Variants in ITGB4 observed in about 807,000 individuals in gnomAD.
The protein encoded by ITGB4 is integrin beta-4.
In ITGB4, 159 loss-of-function variants were observed where a neutral mutation model predicts 207.6. The ratio of observed to expected loss-of-function variants is 0.77; its 90% CI spans 0.67 to 0.87. The LOEUF is 0.87. ITGB4 is among the 40% of genes least tolerant of loss of function. The probability of loss-of-function intolerance (pLI) is 0.00; values close to 1 mark genes in which losing one functional copy is unlikely to be tolerated. For missense variants in ITGB4, 2,278 were observed against 2,546.8 expected (o/e 0.89, Z 2.27); for synonymous variants, 1,020 against 1,062.7 (o/e 0.96, Z 0.78).
intron 26 of ITGB4, 96 bp from the exon 27 acceptor site, chr17:75,748,745 C>T (rs888661092): frequency 7.9e-6 from 7 of 881,658 alleles, no homozygotes; most frequent in Non-Finnish European, 1.3e-5. Flanking sequence ...CAGGGATGGT[C>T]TCTGCAGTGT....
Position 75,729,488 on chromosome 17 carries a change from G to C in ITGB4, c.738+52G>C. 4 of 1,588,474 alleles carry C rather than the reference G, an allele frequency of 2.5e-6. No individual in the cohort carries two copies. The South Asian group carries it at 4.5e-5, about 18-fold the overall frequency. On this transcript the variant is annotated intron_variant, in intron 7 of 39. Transcript: ENST00000200181. This position sits in a 1 kb window ranked among gnomAD's most constrained non-coding sequence, Gnocchi z 4.4. ...CCTAGGCCAGGGGTGAGCACTTCTGGGCAAGGGCCTGAGCTGCCCCCTGGC... is the reference window on the plus strand; with the variant it reads ...CCTAGGCCAGGGGTGAGCACTTCTGCGCAAGGGCCTGAGCTGCCCCCTGGC...
intron 26 of ITGB4, among the ~76,000 whole-genome samples, chr17:75,748,542 T>C (rs1179843565): frequency 1.3e-5 from 2 of 151,054 alleles, no homozygotes; most frequent in Non-Finnish European, 3.0e-5. Flanking sequence ...TGGTGGCAGG[T>C]GCCTGTAATC....
rs778509471 is a variant in ITGB4 at position 75,756,584 on chromosome 17, G to A, written c.4864G>A (p.Val1622Met). Residue 1622 changes from valine to methionine, a missense_variant, in exon 36 of 40, where the codon GTG becomes ATG. Coordinates refer to ENST00000200181, the MANE Select transcript of ITGB4 (RefSeq NM_000213.5). ...GGGTGTCATCACCATTGAATCCCAG[G>A]TGCACCCGCAGAGCCCACTGTGTCC... ...REGVITIESQ[V>M]HPQSPLCPLP... The A allele has an allele frequency of 1.2e-5, 19 of 1,612,982 alleles. No individual in the cohort carries two copies. The South Asian group carries it at 1.6e-4, about 14-fold the overall frequency.
chr17:75,737,478 G>A (rs766283027), intron 17 of ITGB4, 34 bp downstream of exon 17: 18 of 1,553,428 alleles, frequency 1.2e-5, no homozygotes, highest in Admixed American at 5.9e-5. Flanking sequence ...GGGAGGGGGC[G>A]TGTGGCCAGA....
In ITGB4 at chr17:75,753,904, C is replaced by T; in HGVS notation, c.4248C>T (p.Pro1416=). The change falls in exon 33 of 40, where the codon CCC becomes CCT. Residue 1416 remains proline, a synonymous_variant. Transcript: ENST00000200181. ...CCGACGCCGAGGCGCCCCACGGGCC[C>T]CCGGACGACGGCGGCGCGGGCGGGA... is the stretch of plus-strand genomic sequence containing the variant. The part of the protein sequence containing the change: ...RSSDAEAPHG[P]PDDGGAGGKG... The T allele has an allele frequency of 7.7e-7, 1 of 1,293,782 alleles. No individual in the cohort carries two copies. The highest frequency in any genetic ancestry group is 9.7e-7 in the Non-Finnish European group (1 of 1,027,104). The allele number at this position is 1,293,782 out of a possible 1,614,324, so 80.1% of individuals were successfully genotyped here. A position where few individuals can be genotyped will look rare whatever the true frequency, so the allele number is the denominator to read the frequency against.
At chr17:75,749,145 C>T (rs1026022723) in intron 27 of ITGB4, 100 bp downstream of exon 27, 7 of 939,480 alleles carry the variant, frequency 7.5e-6, no homozygotes, top group East Asian at 5.1e-5. Flanking sequence ...ACACAGGACG[C>T]CCAGGTAAAT....
Position 75,753,655 on chromosome 17 carries a change from CG to C in ITGB4, c.4109-107del, listed in dbSNP as rs1049958634. 5.9e-5 allele frequency: 41 copies of C among 690,262 alleles called. No homozygotes were observed. The African/African-American group carries it at 6.5e-4, about 11-fold the overall frequency. The allele number at this position is 690,262 out of a possible 1,614,324, so 42.8% of individuals were successfully genotyped here. On this transcript the variant is annotated intron_variant, in intron 32 of 39. Coordinates refer to ENST00000200181, the MANE Select transcript of ITGB4 (RefSeq NM_000213.5). ...GCCCCCAACACACACCCCGGGATCCCGGGAGCTGGAGACGGGCTCCCCTCGC... is the reference window on the plus strand; with the variant it reads ...GCCCCCAACACACACCCCGGGATCCCGGAGCTGGAGACGGGCTCCCCTCGC...
In ITGB4 at chr17:75,733,683, C is replaced by T. The variant is rs1218480336; in HGVS notation, c.1648C>T (p.Leu550Phe). ...NFQCPRTSGF[L>F]CNDRGRCSMG... ...CCAGTGTCCCCGCACTTCCGGGTTC[C>T]TCTGCAATGGTGAGCACAACAACTG... The change falls in exon 13 of 40, where the codon CTC becomes TTC. Residue 550 changes from leucine (L) to phenylalanine (F), a missense_variant. Physicochemically the swap from Leu to Phe is conservative, Grantham distance 22. Coordinates refer to ENST00000200181, the MANE Select transcript of ITGB4 (RefSeq NM_000213.5). 1 of 1,613,904 alleles carries T rather than the reference C, an allele frequency of 6.2e-7. No individual in the cohort carries two copies. The highest frequency in any genetic ancestry group is 8.5e-7 in the Non-Finnish European group (1 of 1,180,022).
chr17:75,749,946 C>T (rs369559429), intron 27 of ITGB4, among the ~76,000 whole-genome samples, 165 bp from the exon 28 acceptor site: 1 of 152,234 alleles, frequency 6.6e-6, no homozygotes, highest in South Asian at 2.1e-4. Context: ...GCAGGATGCT[C>T]TATGTGGCAG....
In ITGB4 at chr17:75,750,792, T is replaced by C. The variant is rs528851912; in HGVS notation, c.3587T>C (p.Val1196Ala). The C allele has an allele frequency of 6.2e-7, 1 of 1,613,492 alleles. No homozygotes were observed. Among genetic ancestry groups the C allele is most frequent in the Admixed American group, 1.7e-5 (1 of 60,020 alleles). Residue 1196 changes from valine (V) to alanine (A), a missense_variant, in exon 29 of 40, where the codon GTG (valine) becomes GCG (alanine). By Grantham distance (64) the Val-to-Ala change is moderately conservative (BLOSUM62 0). Transcript: ENST00000200181. The surrounding 1 kb of genome is among the most constrained non-coding windows in gnomAD (Gnocchi z 5.5). ...LYPYCDYEMK[V>A]CAYGAQGEGP... Reference sequence around the variant, plus strand: ...CCGTATTGCGACTATGAGATGAAGGTGTGCGCCTACGGGGCTCAGGGCGAG... The same window carrying C: ...CCGTATTGCGACTATGAGATGAAGGCGTGCGCCTACGGGGCTCAGGGCGAG...
Position 75,740,700 on chromosome 17 carries a change from G to A in ITGB4, c.2551-93G>A. The A allele has an allele frequency of 1.4e-6, 2 of 1,410,138 alleles. No individual in the cohort carries two copies. Among genetic ancestry groups the A allele is most frequent in the Non-Finnish European group, 2.0e-6 (2 of 997,800 alleles). 87.4% of individuals were successfully genotyped at this position (1,410,138 alleles called of 1,614,324 possible). A position where few individuals can be genotyped will look rare whatever the true frequency, so the allele number is the denominator to read the frequency against. ...CCCAGCCAACCCTGAGGATCTCTGG[G>A]TACAGAGGCTGCCTGGCTCCCTGGG... On this transcript the variant is annotated intron_variant, in intron 21 of 39. Transcript: ENST00000200181. The surrounding 1 kb of genome is among the most constrained non-coding windows in gnomAD (Gnocchi z 5.9).
In ITGB4 at chr17:75,740,306, A is replaced by G; in HGVS notation, c.2447-52A>G. The stretch of plus-strand genomic sequence containing the variant: ...GGAGGGATGCTCTGTGGTGCCTGTC[A>G]TGCAGGGGGCTGACCACCTCCATCT... On this transcript the variant is annotated intron_variant, in intron 20 of 39. Coordinates refer to ENST00000200181, the MANE Select transcript of ITGB4 (RefSeq NM_000213.5). This position sits in a 1 kb window ranked among gnomAD's most constrained non-coding sequence, Gnocchi z 5.9. 6.7e-7 allele frequency: 1 copy of G among 1,502,172 alleles called. No individual in the cohort carries two copies. Among genetic ancestry groups the G allele is most frequent in the South Asian group, 1.2e-5 (1 of 86,248 alleles). The allele number at this position is 1,502,172 out of a possible 1,614,324, so 93.1% of individuals were successfully genotyped here. A position where few individuals can be genotyped will look rare whatever the true frequency, so the allele number is the denominator to read the frequency against.
At chr17:75,743,196 G>A (rs2061155718) in intron 25 of ITGB4, among the ~76,000 whole-genome samples, 1 of 152,022 alleles carries the variant, frequency 6.6e-6, no homozygotes, top group African/African-American at 2.4e-5. Context: ...CCTCTGCCTG[G>A]CCCTTCCAGG....
chr17:75,749,890 C>T (rs957760387), intron 27 of ITGB4, among the ~76,000 whole-genome samples: 1 of 152,216 alleles, frequency 6.6e-6, no homozygotes, highest in Non-Finnish European at 1.5e-5. Flanking sequence ...AACTCCCTCC[C>T]GCTTCTGTTC....
chr17:75,727,935 C>A lies in ITGB4; in HGVS notation c.469+80C>A. On this transcript the variant is annotated intron_variant, in intron 5 of 39. Coordinates refer to ENST00000200181, the MANE Select transcript of ITGB4 (RefSeq NM_000213.5). This position sits in a 1 kb window ranked among gnomAD's most constrained non-coding sequence, Gnocchi z 6.0. The stretch of plus-strand genomic sequence containing the variant: ...CTGCTTGGGAGGCCAGGACTCAGGA[C>A]AGCTGCACCCACCCAGAAGGAAACA... The A allele has an allele frequency of 2.4e-6, 3 of 1,270,686 alleles. No homozygotes were observed. Among genetic ancestry groups the A allele is most frequent in the Non-Finnish European group, 3.4e-6 (3 of 882,346 alleles). The allele number at this position is 1,270,686 out of a possible 1,614,324, so 78.7% of individuals were successfully genotyped here.
At position 75,750,998 on chromosome 17, in the gene ITGB4, C is replaced by G; in HGVS notation, c.3680C>G (p.Ala1227Gly). 6.2e-7 allele frequency: 1 copy of G among 1,613,818 alleles called. No individual in the cohort carries two copies. The highest frequency in any genetic ancestry group is 8.5e-7 in the Non-Finnish European group (1 of 1,180,032). Residue 1227 changes from alanine to glycine, a missense_variant, in exon 30 of 40, where the codon GCC becomes GGC. Physicochemically the swap from Ala to Gly is moderately conservative, Grantham distance 60. Coordinates refer to ENST00000200181, the MANE Select transcript of ITGB4 (RefSeq NM_000213.5). This position sits in a 1 kb window ranked among gnomAD's most constrained non-coding sequence, Gnocchi z 5.5. ...QEVPSEPGRLAFNVVSSTVTQ... is the reference protein window; with the variant it reads ...QEVPSEPGRLGFNVVSSTVTQ... ...GTGCCCAGCGAGCCAGGGCGTCTGG[C>G]CTTCAATGTCGTCTCCTCCACGGTG...
chr17:75,757,284 C>G lies in ITGB4; in HGVS notation c.5303C>G (p.Thr1768Ser). 1 of 1,612,026 alleles carries G rather than the reference C, an allele frequency of 6.2e-7. No homozygotes were observed. The highest frequency in any genetic ancestry group is 8.5e-7 in the Non-Finnish European group (1 of 1,180,004). ...TACAGCAGCATCACCACCACCCACACCAGCGCCACCGAGCCCTTCCTAGTG... is the reference window on the plus strand; with the variant it reads ...TACAGCAGCATCACCACCACCCACAGCAGCGCCACCGAGCCCTTCCTAGTG... The part of the protein sequence containing the change: ...SEYSSITTTH[T>S]SATEPFLVDG... Residue 1768 changes from threonine (T) to serine (S), a missense_variant, in exon 39 of 40, where the codon ACC becomes AGC. Thr to Ser is a moderately conservative substitution (Grantham distance 58). Transcript: ENST00000200181.
At chr17:75,735,779 C>A (rs941297868) in intron 13 of ITGB4, among the ~76,000 whole-genome samples, 12 of 152,290 alleles carry the variant, frequency 7.9e-5, no homozygotes, top group African/African-American at 2.9e-4. Context: ...GGCAGGGACC[C>A]ATTAGAGGTT....
rs143203816 is a variant in ITGB4, at chr17:75,737,631, G to C, written c.2207G>C (p.Cys736Ser). Residue 736 changes from cysteine to serine, a missense_variant, in exon 18 of 40, where the codon TGT becomes TCT. Cys to Ser is a moderately radical substitution (Grantham distance 112). Transcript: ENST00000200181. The stretch of plus-strand genomic sequence containing the variant: ...CTACTGCTGCTATGCTGGAAGTACT[G>C]TGCCTGCTGCAAGGTGAGCACCCAG... ...ALLLLLCWKYCACCKACLALL... is the reference protein window; with the variant it reads ...ALLLLLCWKYSACCKACLALL... 4 of 1,613,096 alleles carry C rather than the reference G, an allele frequency of 2.5e-6. No individual in the cohort carries two copies. In the South Asian group the frequency reaches 4.4e-5, roughly 18 times the overall value.
Sources: gnomAD v4.1 joint callset for allele counts (sites outside exome capture counted in the v4.1 genomes callset) on GRCh38, gnomAD v4.1.1 for gene constraint, Gnocchi (gnomAD v3.1) non-coding constraint, MANE v1.5 for transcripts, NCBI Gene and HGNC (gene_info 2026-07-23, HGNC 2026-07-21) for gene names.